Variants in HMCN1 observed in about 807,000 individuals in gnomAD.
HMCN1 encodes hemicentin 1, also known as hemicentin-1.
Under a neutral mutation model 625.9 loss-of-function variants are expected in HMCN1, and 321 were observed. That is an observed-to-expected ratio of 0.51 (90% confidence interval 0.47 to 0.56). The LOEUF is 0.56. Among genes scored for constraint, HMCN1 ranks in the 20% least tolerant of loss-of-function variants. The probability of loss-of-function intolerance (pLI) is 0.00; values close to 1 mark genes in which losing one functional copy is unlikely to be tolerated. For synonymous variants in HMCN1, 2,425 were observed against 2,417.6 expected (o/e 1.00, Z -0.09); for missense variants, 6,588 against 6,887.3 (o/e 0.96, Z 1.54).
Position 186,174,776 on chromosome 1 carries a change from G to A in HMCN1, c.15943+134G>A, listed in dbSNP as rs150929766. The A allele has an allele frequency of 2.7e-3, 2,120 of 793,052 alleles. 35 individuals carry two copies. The African/African-American group carries it at 0.028, about 10-fold the overall frequency. 49.1% of individuals were successfully genotyped at this position (793,052 alleles called of 1,614,324 possible). On this transcript the variant is annotated intron_variant, in intron 103 of 106. Transcript: ENST00000271588. ...TAATAAGGTATGTGAATTGATTTACGTCATTCAACACAATTTGGATACTTC... is the reference window on the plus strand; with the variant it reads ...TAATAAGGTATGTGAATTGATTTACATCATTCAACACAATTTGGATACTTC...
chr1:185,842,669 CGCAGTAAGCTATGACAGTGCCACT>C (rs1281446861), intron 1 of HMCN1, among the ~76,000 whole-genome samples: 1 of 151,796 alleles, frequency 6.6e-6, no homozygotes, highest in African/African-American at 2.4e-5. Context: ...AGGTCAAGGC[CGCAGTAAGCTATGACAGTGCCACT>C]GCACTCCAGC....
At chr1:186,045,574 T>A (rs1313010923) in intron 40 of HMCN1, 114 bp from the exon 41 acceptor site, 2 of 809,574 alleles carry the variant, frequency 2.5e-6, no homozygotes, top group Admixed American at 3.6e-5. Flanking sequence ...ATGATTGTGA[T>A]CCTATATCTT....
chr1:186,038,669 C>G (rs529933581), intron 37 of HMCN1, among the ~76,000 whole-genome samples, 160 bp from the exon 38 acceptor site: 1 of 151,966 alleles, frequency 6.6e-6, no homozygotes, highest in African/African-American at 2.4e-5. Flanking sequence ...TAAGGGTTAC[C>G]TTCTCTTAAA....
Position 186,190,011 on chromosome 1 carries a change from G to A in HMCN1, c.*133G>A. On this transcript the variant is annotated 3_prime_UTR_variant, in exon 107 of 107. Coordinates refer to ENST00000271588, the MANE Select transcript of HMCN1 (RefSeq NM_031935.3). ...AATGGTGCTACACTCTGTTTTGTGT[G>A]CCTTCCTTGGTACTTCTGAGGTATT... 1 of 992,552 alleles carries A rather than the reference G, an allele frequency of 1.0e-6. No homozygotes were observed. The highest frequency in any genetic ancestry group is 1.6e-6 in the Non-Finnish European group (1 of 632,812). The allele number at this position is 992,552 out of a possible 1,614,324, so 61.5% of individuals were successfully genotyped here.
At position 185,989,645 on chromosome 1, in the gene HMCN1, A is replaced by G; in HGVS notation, c.3206A>G (p.Tyr1069Cys). The change falls in exon 21 of 107, where the codon TAT (tyrosine) becomes TGT (cysteine). Residue 1069 changes from tyrosine to cysteine, a missense_variant and splice_region_variant. This residue lies in a region of HMCN1 where 4,628 missense variants were observed against 4,853.1 expected (regional missense o/e 0.95). Transcript: ENST00000271588. The stretch of plus-strand genomic sequence containing the variant: ...AAAAGGAAAGTGCAGCTAACAGTCT[A>G]TGGTGAGAGCTGGTGGAGGAATGGT... ...YAKRKVQLTVYVRPRVFGDQR... is the reference protein window; with the variant it reads ...YAKRKVQLTVCVRPRVFGDQR... 3 of 1,613,856 alleles carry G rather than the reference A, an allele frequency of 1.9e-6. No individual in the cohort carries two copies. The highest frequency in any genetic ancestry group is 2.5e-6 in the Non-Finnish European group (3 of 1,179,854).
At chr1:185,765,609 A>G (rs990029820) in intron 1 of HMCN1, among the ~76,000 whole-genome samples, 1 of 152,214 alleles carries the variant, frequency 6.6e-6, no homozygotes, top group Non-Finnish European at 1.5e-5. Flanking sequence ...ATAAGGAGGC[A>G]TGATAACATG....
At chr1:185,904,462 A>G (rs1665984932) in intron 4 of HMCN1, among the ~76,000 whole-genome samples, 1 of 151,908 alleles carries the variant, frequency 6.6e-6, no homozygotes, top group African/African-American at 2.4e-5. Context: ...AAATAGTGAT[A>G]AAAATATACA....
chr1:186,039,134 G>A, intron 38 of HMCN1, 129 bp downstream of exon 38: 1 of 740,728 alleles, frequency 1.4e-6, no homozygotes, highest in Non-Finnish European at 2.5e-6. Flanking sequence ...AGGGCACAGT[G>A]TTCTAAAACT....
chr1:186,139,457 A>T (rs1199192869), intron 89 of HMCN1, among the ~76,000 whole-genome samples: 3 of 152,328 alleles, frequency 2.0e-5, no homozygotes, highest in Admixed American at 1.3e-4. Context: ...TGTCATCTAT[A>T]ATAACTATAT....
chr1:186,120,067 G>C lies in HMCN1; in HGVS notation c.12151G>C (p.Glu4051Gln), dbSNP rs374902048. 1 of 1,613,958 alleles carries C rather than the reference G, an allele frequency of 6.2e-7. No individual in the cohort carries two copies. Among genetic ancestry groups the C allele is most frequent in the African/African-American group, 1.3e-5 (1 of 74,916 alleles). ...CTTACAGATCTCCAGAGCTGTCCGA[G>C]AGGATGCTGGCACTTACATGTGTGT... Reference protein sequence around the residue: ...GGLQISRAVREDAGTYMCVAQ... With the variant: ...GGLQISRAVRQDAGTYMCVAQ... Residue 4051 changes from glutamate to glutamine, a missense_variant, in exon 80 of 107, where the codon GAG becomes CAG. Physicochemically the swap from Glu to Gln is conservative, Grantham distance 29. This residue lies in a region of HMCN1 where 1,954 missense variants were observed against 2,013.1 expected (regional missense o/e 0.97). Transcript: ENST00000271588.
intron 1 of HMCN1, among the ~76,000 whole-genome samples, chr1:185,809,409 A>G (rs1659371941): frequency 1.3e-5 from 2 of 152,014 alleles, no homozygotes; most frequent in African/African-American, 4.8e-5. Flanking sequence ...GATTATATAT[A>G]CATCACTAGA....
intron 52 of HMCN1, among the ~76,000 whole-genome samples, chr1:186,071,052 T>C (rs1211156263): frequency 1.3e-5 from 2 of 152,178 alleles, no homozygotes; most frequent in Non-Finnish European, 2.9e-5. Context: ...CAGTTGTCTA[T>C]GAAAATCTGG....
chr1:186,115,201 C>G, intron 74 of HMCN1, 57 bp from the exon 75 acceptor site: 1 of 1,597,124 alleles, frequency 6.3e-7, no homozygotes, highest in South Asian at 1.1e-5. Context: ...AGAAATATTT[C>G]AAATGGCACG....
intron 35 of HMCN1, among the ~76,000 whole-genome samples, chr1:186,021,656 A>C (rs989752990): frequency 6.6e-6 from 1 of 152,108 alleles, no homozygotes; most frequent in Non-Finnish European, 1.5e-5. Flanking sequence ...AGAATAGGTT[A>C]AGTGGGAGTT....
intron 73 of HMCN1, 152 bp downstream of exon 73, chr1:186,114,275 G>A: frequency 1.1e-6 from 1 of 922,572 alleles, no homozygotes; most frequent in Non-Finnish European, 1.7e-6. Context: ...TTATTTTTCT[G>A]AGACAGAGTC....
Position 186,037,966 on chromosome 1 carries a change from C to A in HMCN1, c.5782C>A (p.Leu1928Met), listed in dbSNP as rs759512631. Residue 1928 changes from leucine (L) to methionine (M), a missense_variant, in exon 37 of 107, where the codon CTG becomes ATG. By Grantham distance (15) the Leu-to-Met change is conservative (BLOSUM62 2). Coordinates refer to ENST00000271588, the MANE Select transcript of HMCN1 (RefSeq NM_031935.3). The part of the protein sequence containing the change: ...PPSLEDAGKM[L>M]NETVLVSNPV... ...TAGTCTGGAAGATGCTGGAAAAATG[C>A]TGAATGAGACTGTGTTGGTGAGCAA... is the stretch of plus-strand genomic sequence containing the variant. 6.2e-7 allele frequency: 1 copy of A among 1,612,810 alleles called. No homozygotes were observed. Among genetic ancestry groups the A allele is most frequent in the Middle Eastern group, 1.7e-4 (1 of 6,052 alleles).
Position 186,145,467 on chromosome 1 carries a change from G to A in HMCN1, c.14331G>A (p.Gln4777=). The A allele has an allele frequency of 6.2e-7, 1 of 1,610,550 alleles. No homozygotes were observed. ...GCAGCCGGACGTGTAACGGAGGGCA[G>A]ATGCGGCGGTACCGCACATGTGATA... The part of the protein sequence containing the change: ...GTCSRTCNGG[Q]MRRYRTCDNP... Residue 4777 remains glutamine (Q), a synonymous_variant, in exon 92 of 107, where the codon CAG becomes CAA. Transcript: ENST00000271588.
At chr1:185,817,077 T>A (rs1234076482) in intron 1 of HMCN1, among the ~76,000 whole-genome samples, 1 of 151,990 alleles carries the variant, frequency 6.6e-6, no homozygotes, top group African/African-American at 2.4e-5. Flanking sequence ...TTGCTTAGAG[T>A]TTATTCTGTA....
chr1:186,089,358 G>C (rs1283184955), intron 63 of HMCN1, among the ~76,000 whole-genome samples: 1 of 151,990 alleles, frequency 6.6e-6, no homozygotes, highest in East Asian at 1.9e-4. Flanking sequence ...TTGAAACTAA[G>C]TTGAAATACT....
Sources: allele counts gnomAD v4.1 joint callset (sites outside exome capture counted in the v4.1 genomes callset), GRCh38; gene constraint gnomAD v4.1.1; regional missense constraint gnomAD v4.1.1; transcripts MANE v1.5; gene names NCBI Gene and HGNC (gene_info 2026-07-23, HGNC 2026-07-21).